The following PLCE1 variants were observed in gnomAD, a reference collection of about 807,000 sequenced individuals.
PLCE1 encodes the protein 1-phosphatidylinositol 4,5-bisphosphate phosphodiesterase epsilon-1.
A neutral mutation model predicts 242.8 loss-of-function variants in PLCE1; 119 were observed. The ratio of observed to expected loss-of-function variants is 0.49; its 90% CI spans 0.42 to 0.57. The LOEUF (loss-of-function observed/expected upper bound fraction) is 0.57, where lower values mean the gene tolerates loss of function less well. Among genes scored for constraint, PLCE1 ranks in the 20% least tolerant of loss-of-function variants. The probability of loss-of-function intolerance (pLI) is 0.00; values close to 1 mark genes in which losing one functional copy is unlikely to be tolerated. For synonymous variants in PLCE1, 945 were observed against 1,017.4 expected (o/e 0.93, Z 1.35); for missense variants, 2,441 against 2,788.8 (o/e 0.88, Z 2.81).
At chr10:94,166,973 C>G (rs1474675330) in intron 3 of PLCE1, among the ~76,000 whole-genome samples, 1 of 152,068 alleles carries the variant, frequency 6.6e-6, no homozygotes, top group Non-Finnish European at 1.5e-5. Context: ...AAATATGAGA[C>G]AATCACTAAC....
At chr10:94,110,102 A>G (rs2422399) in intron 2 of PLCE1, among the ~76,000 whole-genome samples, 119,192 of 133,246 alleles carry the variant, frequency 0.89, 54,110 homozygotes, top group South Asian at 0.98. Context: ...TCGCTCTGTC[A>G]CCCAGGCTGG....
At chr10:94,100,419 G>A (rs546940394) in intron 2 of PLCE1, 1 of 152,252 alleles carries the variant, frequency 6.6e-6, no homozygotes, top group Non-Finnish European at 1.5e-5. Flanking sequence ...CAGGACCCTG[G>A]GTAATACATG....
intron 1 of PLCE1, among the ~76,000 whole-genome samples, chr10:94,013,153 A>G (rs117553775): frequency 0.021 from 3,216 of 152,318 alleles, 52 homozygotes; most frequent in Non-Finnish European, 0.029. Flanking sequence ...CCCTAACTTC[A>G]TAAGTATCAT....
intron 2 of PLCE1, among the ~76,000 whole-genome samples, chr10:94,121,338 C>G (rs1366987879): frequency 6.6e-6 from 1 of 152,188 alleles, no homozygotes; most frequent in Non-Finnish European, 1.5e-5. Context: ...ACAAGGGGAG[C>G]TGAGTGGAAG....
chr10:94,195,447 A>T (rs1445451938), intron 4 of PLCE1, among the ~76,000 whole-genome samples: 2 of 152,168 alleles, frequency 1.3e-5, no homozygotes, highest in Admixed American at 6.5e-5. Flanking sequence ...ATGAGAAATG[A>T]AATAGAAGCA....
rs34518277 is a variant in PLCE1, at chr10:94,021,231, GTTT to G, written c.-364-9436_-364-9434del. On this transcript the variant is annotated intron_variant, in intron 1 of 32. Coordinates refer to ENST00000371380, the MANE Select transcript of PLCE1 (RefSeq NM_016341.4). ...TGTCTTACCTTTGTCCTTCTTAATGGTTTTTTTTTTTTTTTTTTGAAGACCAGA... is the reference window on the plus strand; with the variant it reads ...TGTCTTACCTTTGTCCTTCTTAATGGTTTTTTTTTTTTTTTGAAGACCAGA... Among the ~76,000 whole-genome samples, 1,167 of 121,256 alleles carry G rather than the reference GTTT, an allele frequency of 9.6e-3. 11 individuals carry two copies. Among genetic ancestry groups the G allele is most frequent in the African/African-American group, 0.035 (1,089 of 30,896 alleles). 79.5% of individuals were successfully genotyped at this position (121,256 alleles called of 152,430 possible). A position where few individuals can be genotyped will look rare whatever the true frequency, so the allele number is the denominator to read the frequency against.
At chr10:94,089,768 C>T (rs149808593) in intron 2 of PLCE1, among the ~76,000 whole-genome samples, 4 of 152,040 alleles carry the variant, frequency 2.6e-5, no homozygotes, top group African/African-American at 4.8e-5. Context: ...TCAGGATACT[C>T]GCTTTTGAAT....
At chr10:94,072,025 T>C (rs2135122886) in intron 2 of PLCE1, among the ~76,000 whole-genome samples, 1 of 152,326 alleles carries the variant, frequency 6.6e-6, no homozygotes, top group Middle Eastern at 3.4e-3. Flanking sequence ...TCTGCCTGCA[T>C]TTGGCTCCCA....
chr10:94,096,079 G>A (rs981040619), intron 2 of PLCE1, among the ~76,000 whole-genome samples: 1 of 152,072 alleles, frequency 6.6e-6, no homozygotes, highest in Non-Finnish European at 1.5e-5. Flanking sequence ...TTGCTGAGAT[G>A]GCTTCAAAAG....
intron 4 of PLCE1, among the ~76,000 whole-genome samples, chr10:94,199,139 GTTTA>G (rs550101883): frequency 4.4e-4 from 67 of 152,286 alleles, no homozygotes; most frequent in Middle Eastern, 6.8e-3. Context: ...ATCTACCATA[GTTTA>G]TTTATCCATT....
chr10:94,202,901 T>G (rs2049028920), intron 4 of PLCE1, among the ~76,000 whole-genome samples: 1 of 152,162 alleles, frequency 6.6e-6, no homozygotes, highest in Non-Finnish European at 1.5e-5. Flanking sequence ...CCTCTCGGGT[T>G]TTTCTTTGTG....
At position 94,171,228 on chromosome 10, in the gene PLCE1, G is replaced by A. The variant is rs2047965527; in HGVS notation, c.1541G>A (p.Ser514Asn). The stretch of plus-strand genomic sequence containing the variant: ...GCCAATTCCAATGCCCTCCCTTCAA[G>A]TTCAGCTGGGATCAGCAAGGAGCTG... ...SVANSNALPSSSAGISKELID... is the reference protein window; with the variant it reads ...SVANSNALPSNSAGISKELID... The change falls in exon 4 of 33, where the codon AGT (serine) becomes AAT (asparagine). Residue 514 changes from serine to asparagine, a missense_variant. Physicochemically the swap from Ser to Asn is conservative, Grantham distance 46. This residue lies in a region of PLCE1 where 733 missense variants were observed against 754.2 expected (regional missense o/e 0.97). Transcript: ENST00000371380. 6.2e-7 allele frequency: 1 copy of A among 1,614,186 alleles called. No individual in the cohort carries two copies. Among genetic ancestry groups the A allele is most frequent in the Non-Finnish European group, 8.5e-7 (1 of 1,180,024 alleles).
At chr10:94,252,272 T>C (rs1486574688) in intron 8 of PLCE1, 44 bp from the exon 9 acceptor site, 12 of 1,571,068 alleles carry the variant, frequency 7.6e-6, no homozygotes, top group African/African-American at 1.4e-5. Flanking sequence ...ACTTCCCCAT[T>C]GCTTGATGCT....
intron 4 of PLCE1, among the ~76,000 whole-genome samples, 162 bp downstream of exon 4, chr10:94,171,658 A>G (rs2047983408): frequency 1.3e-5 from 2 of 152,074 alleles, no homozygotes; most frequent in African/African-American, 4.8e-5. Context: ...GACAGACATC[A>G]CATTGCAATC....
intron 1 of PLCE1, among the ~76,000 whole-genome samples, chr10:94,020,864 CTG>C (rs764097896): frequency 4.6e-5 from 7 of 152,132 alleles, no homozygotes; most frequent in Non-Finnish European, 8.8e-5. Context: ...GAGTCTCACT[CTG>C]TTACCCACAC....
intron 2 of PLCE1, among the ~76,000 whole-genome samples, chr10:94,034,188 C>T (rs1194838858): frequency 2.6e-5 from 4 of 152,138 alleles, no homozygotes; most frequent in Non-Finnish European, 5.9e-5. Context: ...AAACCGCCCC[C>T]ATGATTCAAT....
intron 22 of PLCE1, among the ~76,000 whole-genome samples, chr10:94,288,391 T>C (rs1255315447): frequency 6.6e-6 from 1 of 152,220 alleles, no homozygotes; most frequent in Non-Finnish European, 1.5e-5. Flanking sequence ...TTGGCTACCA[T>C]GCTTTGTGAT....
chr10:94,177,631 A>G (rs527254492), intron 4 of PLCE1, among the ~76,000 whole-genome samples: 1 of 152,192 alleles, frequency 6.6e-6, no homozygotes, highest in African/African-American at 2.4e-5. Context: ...GAAATCTCTC[A>G]CTTTGACAGT....
intron 2 of PLCE1, among the ~76,000 whole-genome samples, chr10:94,059,898 G>A (rs1005373337): frequency 6.6e-6 from 1 of 152,116 alleles, no homozygotes; most frequent in African/African-American, 2.4e-5. Context: ...CTTGTTCCTT[G>A]GTGGCTTCTG....
Sources: gnomAD v4.1 joint callset for allele counts (sites outside exome capture counted in the v4.1 genomes callset) on GRCh38, gnomAD v4.1.1 for gene constraint, gnomAD v4.1.1 regional missense constraint, MANE v1.5 for transcripts, NCBI Gene and HGNC (gene_info 2026-07-23, HGNC 2026-07-21) for gene names.